The following NRL variants were observed in gnomAD, a reference collection of about 807,000 sequenced individuals.
The protein encoded by NRL is neural retina leucine zipper.
Under a neutral mutation model 12.5 loss-of-function variants are expected in NRL, and 16 were observed. The ratio of observed to expected loss-of-function variants is 1.28; its 90% CI spans 0.87 to 1.95. The LOEUF is 1.95. Among genes scored for constraint, NRL ranks in the 30% most tolerant of loss-of-function variants. NRL has a pLI of 0.00. For synonymous variants in NRL, 142 were observed against 150.9 expected (o/e 0.94, Z 0.43); for missense variants, 314 against 325.8 (o/e 0.96, Z 0.28).
chr14:24,104,612 G>A (rs1303369925), intron 1 of NRL, among the ~76,000 whole-genome samples: 1 of 147,900 alleles, frequency 6.8e-6, no homozygotes, highest in African/African-American at 2.5e-5. Flanking sequence ...GCACACTCCA[G>A]TCTGGGCAAC....
At position 24,094,989 on chromosome 14, in the gene NRL, G is replaced by A. The variant is rs984286845; in HGVS notation, c.-27-12114C>T. On this transcript the variant is annotated intron_variant, in intron 1 of 2. Coordinates refer to ENST00000561028, the MANE Select transcript of NRL (RefSeq NM_001354768.3). This position sits in a 1 kb window ranked among gnomAD's most constrained non-coding sequence, Gnocchi z 4.1. ...CCCGAGGGACCTGGGCCCAGGGGAG[G>A]GAGGCAAGCAAGGTGGGAGGAGGGC... 3.4e-6 allele frequency: 2 copies of A among 592,644 alleles called. No individual in the cohort carries two copies. Among genetic ancestry groups the A allele is most frequent in the African/African-American group, 1.9e-5 (1 of 52,120 alleles). The allele number at this position is 592,644 out of a possible 1,614,324, so 36.7% of individuals were successfully genotyped here. A position where few individuals can be genotyped will look rare whatever the true frequency, so the allele number is the denominator to read the frequency against.
intron 1 of NRL, among the ~76,000 whole-genome samples, chr14:24,090,521 T>C (rs548931579): frequency 6.6e-6 from 1 of 152,286 alleles, no homozygotes; most frequent in Non-Finnish European, 1.5e-5. Context: ...TGGCCACAGA[T>C]AGTGCTCAAG....
chr14:24,101,335 C>T (rs1318530538), intron 1 of NRL, among the ~76,000 whole-genome samples: 2 of 152,184 alleles, frequency 1.3e-5, no homozygotes, highest in Admixed American at 6.5e-5. Flanking sequence ...CAGAAGCTGG[C>T]GGATGGGAGA....
Position 24,103,917 on chromosome 14 carries a change from G to C in NRL, c.-28+10805C>G. ...GGTCAACCAGGATCTGCCCAAAGAG[G>C]TGTTGGCTGAGCTTGAGGCCCTGGA... On this transcript the variant is annotated intron_variant, in intron 1 of 2. Transcript: ENST00000561028. 1 of 1,614,150 alleles carries C rather than the reference G, an allele frequency of 6.2e-7. No homozygotes were observed. The highest frequency in any genetic ancestry group is 8.5e-7 in the Non-Finnish European group (1 of 1,180,036).
At position 24,079,693 on chromosome 14, in the gene NRL, C is replaced by G. The variant is rs1307133521; in HGVS notation, c.*1543G>C. On this transcript the variant is annotated 3_prime_UTR_variant, in exon 3 of 3. Transcript: ENST00000561028. ...GAAGAGGGACATATGGGAGCCTCTT[C>G]CCCCATGCCCGAAAGCTTCTCCCAT... 6.6e-6 allele frequency among the ~76,000 whole-genome samples: 1 copy of G among 152,168 alleles called. No individual in the cohort carries two copies.
intron 1 of NRL, chr14:24,084,851 C>G (rs2036426222): frequency 1.1e-5 from 4 of 350,388 alleles, no homozygotes; most frequent in South Asian, 1.2e-4. Flanking sequence ...TGATCCGACT[C>G]CCAAGTGCTC....
rs1244084958 is a variant in NRL at position 24,081,910 on chromosome 14, A to G, written c.382-342T>C. On this transcript the variant is annotated intron_variant, in intron 2 of 2. Coordinates refer to ENST00000561028, the MANE Select transcript of NRL (RefSeq NM_001354768.3). This position sits in a 1 kb window ranked among gnomAD's most constrained non-coding sequence, Gnocchi z 4.4. ...GGGTGTGTCCAGTGGACCCGCACCCAGACAGCCCCCAACCCTCCAACGCGC... is the reference window on the plus strand; with the variant it reads ...GGGTGTGTCCAGTGGACCCGCACCCGGACAGCCCCCAACCCTCCAACGCGC... 5 of 1,299,174 alleles carry G rather than the reference A, an allele frequency of 3.8e-6. No individual in the cohort carries two copies. The East Asian group carries it at 1.5e-4, about 40-fold the overall frequency. 80.5% of individuals were successfully genotyped at this position (1,299,174 alleles called of 1,614,324 possible).
intron 1 of NRL, chr14:24,093,383 A>G (rs562925341): frequency 6.6e-6 from 1 of 152,364 alleles, no homozygotes; most frequent in African/African-American, 2.4e-5. Flanking sequence ...GATTGTGGAG[A>G]GAAAGAATGA....
At position 24,114,739 on chromosome 14, in the gene NRL, C is replaced by T. The variant is rs2037498052; in HGVS notation, c.-45G>A. 1.0e-6 allele frequency: 1 copy of T among 985,998 alleles called. No individual in the cohort carries two copies. Among genetic ancestry groups the T allele is most frequent in the Non-Finnish European group, 1.2e-6 (1 of 829,988 alleles). The allele number at this position is 985,998 out of a possible 1,614,324, so 61.1% of individuals were successfully genotyped here. A position where few individuals can be genotyped will look rare whatever the true frequency, so the allele number is the denominator to read the frequency against. On this transcript the variant is annotated 5_prime_UTR_variant, in exon 1 of 3. Coordinates refer to ENST00000561028, the MANE Select transcript of NRL (RefSeq NM_001354768.3). ...CCGCCTACCTATCAATCATCGTGCT[C>T]CGCTGTCCAGTTGGCTGGCCAAGGG... is the stretch of plus-strand genomic sequence containing the variant.
In NRL at chr14:24,081,275, G is replaced by A. The variant is rs769410836; in HGVS notation, c.675C>T (p.Ser225=). 1.1e-5 allele frequency: 16 copies of A among 1,504,756 alleles called. No homozygotes were observed. The highest frequency in any genetic ancestry group is 1.4e-5 in the African/African-American group (1 of 69,710). 93.2% of individuals were successfully genotyped at this position (1,504,756 alleles called of 1,614,324 possible). The change falls in exon 3 of 3, where the codon AGC becomes AGT. Residue 225 remains serine, a synonymous_variant. Coordinates refer to ENST00000561028, the MANE Select transcript of NRL (RefSeq NM_001354768.3). The surrounding 1 kb of genome is among the most constrained non-coding windows in gnomAD (Gnocchi z 4.4). ...YKARCDRLTS[S]GPGSGDPSHL... ...GGGAGGGGTCCCCGGACCCGGGGCC[G>A]CTCGAGGTTAGCCGGTCACAGCGAG...
At position 24,081,727 on chromosome 14, in the gene NRL, C is replaced by T; in HGVS notation, c.382-159G>A. On this transcript the variant is annotated intron_variant, in intron 2 of 2. Transcript: ENST00000561028. This position sits in a 1 kb window ranked among gnomAD's most constrained non-coding sequence, Gnocchi z 4.4. Reference sequence around the variant, plus strand: ...CCACGCAGTCTGTTTCGGTCCAGAGCCCGCCCCAGGCCCCGACGCTCCCCG... The same window carrying T: ...CCACGCAGTCTGTTTCGGTCCAGAGTCCGCCCCAGGCCCCGACGCTCCCCG... The T allele has an allele frequency of 1.3e-6, 2 of 1,522,946 alleles. No individual in the cohort carries two copies. Among genetic ancestry groups the T allele is most frequent in the Non-Finnish European group, 1.8e-6 (2 of 1,141,208 alleles). The allele number at this position is 1,522,946 out of a possible 1,614,324, so 94.3% of individuals were successfully genotyped here.
At position 24,079,883 on chromosome 14, in the gene NRL, C is replaced by A. The variant is rs2036226994; in HGVS notation, c.*1353G>T. ...TGAGACCTGGATAGCCACTGACAGGCCGAGCTGGGCCACTGAGGCTTCTGA... is the reference window on the plus strand; with the variant it reads ...TGAGACCTGGATAGCCACTGACAGGACGAGCTGGGCCACTGAGGCTTCTGA... On this transcript the variant is annotated 3_prime_UTR_variant, in exon 3 of 3. Coordinates refer to ENST00000561028, the MANE Select transcript of NRL (RefSeq NM_001354768.3). Among the ~76,000 whole-genome samples, 2 of 152,106 alleles carry A rather than the reference C, an allele frequency of 1.3e-5. No individual in the cohort carries two copies. Among genetic ancestry groups the A allele is most frequent in the African/African-American group, 4.8e-5 (2 of 41,408 alleles).
intron 1 of NRL, among the ~76,000 whole-genome samples, chr14:24,097,940 T>G (rs1012615501): frequency 6.6e-6 from 1 of 152,054 alleles, no homozygotes; most frequent in Non-Finnish European, 1.5e-5. Flanking sequence ...AAGAAGCTGA[T>G]ATAAATAAGA....
At chr14:24,112,305 G>T in intron 1 of NRL, among the ~76,000 whole-genome samples, 2 of 145,642 alleles carry the variant, frequency 1.4e-5, no homozygotes, top group Non-Finnish European at 1.5e-5. Flanking sequence ...TCTCTTTTTT[G>T]GTTGTGTCTC....
At chr14:24,114,039 G>A (rs965830839) in intron 1 of NRL, among the ~76,000 whole-genome samples, 1 of 151,834 alleles carries the variant, frequency 6.6e-6, no homozygotes, top group East Asian at 1.9e-4. Flanking sequence ...CCCGCAGGAG[G>A]GGGCAGGAGG....
At chr14:24,084,839 G>C in intron 1 of NRL, 1 of 448,788 alleles carries the variant, frequency 2.2e-6, no homozygotes, top group Non-Finnish European at 2.9e-6. Context: ...GCTCCTCACT[G>C]ATGATCCGAC....
At position 24,094,322 on chromosome 14, in the gene NRL, C is replaced by A; in HGVS notation, c.-27-11447G>T. On this transcript the variant is annotated intron_variant, in intron 1 of 2. Coordinates refer to ENST00000561028, the MANE Select transcript of NRL (RefSeq NM_001354768.3). This position sits in a 1 kb window ranked among gnomAD's most constrained non-coding sequence, Gnocchi z 4.1. ...CGCCAGCCTCTGCTGTGGCTCGCTTCGCCGCGCTCCCTCCTTCCCCGCCTT... is the reference window on the plus strand; with the variant it reads ...CGCCAGCCTCTGCTGTGGCTCGCTTAGCCGCGCTCCCTCCTTCCCCGCCTT... The A allele has an allele frequency of 7.3e-7, 1 of 1,376,080 alleles. No homozygotes were observed. Among genetic ancestry groups the A allele is most frequent in the South Asian group, 1.2e-5 (1 of 80,496 alleles). 85.2% of individuals were successfully genotyped at this position (1,376,080 alleles called of 1,614,324 possible).
intron 2 of NRL, chr14:24,082,190 C>CACTCCCCA (rs2036332647): frequency 1.9e-6 from 1 of 520,148 alleles, no homozygotes; most frequent in South Asian, 8.4e-5. Flanking sequence ...CGGAGTCGCC[C>CACTCCCCA]ACTCCCCAGC....
At chr14:24,099,365 C>A in intron 1 of NRL, 2 of 1,074,178 alleles carry the variant, frequency 1.9e-6, no homozygotes, top group Non-Finnish European at 2.6e-6. Context: ...ACTTGAAGGC[C>A]CAAAGCTTTG....
Sources: gnomAD v4.1 joint callset for allele counts (sites outside exome capture counted in the v4.1 genomes callset) on GRCh38, gnomAD v4.1.1 for gene constraint, Gnocchi (gnomAD v3.1) non-coding constraint, MANE v1.5 for transcripts, NCBI Gene and HGNC (gene_info 2026-07-23, HGNC 2026-07-21) for gene names.